The following CDHR3 variants were observed in gnomAD, a reference collection of about 807,000 sequenced individuals.
CDHR3 encodes cadherin-related family member 3.
Under a neutral mutation model 86.6 loss-of-function variants are expected in CDHR3, and 79 were observed. The ratio of observed to expected loss-of-function variants is 0.91; its 90% CI spans 0.76 to 1.10. CDHR3 has a LOEUF of 1.10. Among genes scored for constraint, CDHR3 ranks in the 50% least tolerant of loss-of-function variants. The probability of loss-of-function intolerance (pLI) is 0.00; values close to 1 mark genes in which losing one functional copy is unlikely to be tolerated. For missense variants in CDHR3, 1,081 were observed against 1,077.6 expected (o/e 1.00, Z -0.04); for synonymous variants, 421 against 402.4 (o/e 1.05, Z -0.55).
In CDHR3 at chr7:106,033,127, T is replaced by G. The variant is rs1838622135; in HGVS notation, c.*430T>G. 6.0e-6 allele frequency: 1 copy of G among 166,112 alleles called. No homozygotes were observed. Among genetic ancestry groups the G allele is most frequent in the Non-Finnish European group, 1.3e-5 (1 of 75,848 alleles). The allele number at this position is 166,112 out of a possible 1,614,324, so 10.3% of individuals were successfully genotyped here. A position where few individuals can be genotyped will look rare whatever the true frequency, so the allele number is the denominator to read the frequency against. ...TCGTTTTAACATCACCCAGATTTCT[T>G]CAGTTATAAATATGCCATACACCTT... is the stretch of plus-strand genomic sequence containing the variant. On this transcript the variant is annotated 3_prime_UTR_variant, in exon 19 of 19. Transcript: ENST00000317716.
intron 5 of CDHR3, among the ~76,000 whole-genome samples, chr7:105,995,763 T>C (rs1251350323): frequency 6.6e-6 from 1 of 152,188 alleles, no homozygotes; most frequent in Non-Finnish European, 1.5e-5. Flanking sequence ...ACAAGATTTC[T>C]CAGACCCCAT....
intron 4 of CDHR3, among the ~76,000 whole-genome samples, chr7:105,991,260 G>A (rs545647218): frequency 2.6e-5 from 4 of 152,232 alleles, no homozygotes; most frequent in Admixed American, 6.5e-5. Flanking sequence ...TTGCTGAGTC[G>A]CTGGCAAATG....
intron 1 of CDHR3, among the ~76,000 whole-genome samples, chr7:105,970,895 A>G (rs916851764): frequency 3.3e-5 from 5 of 152,160 alleles, no homozygotes; most frequent in Admixed American, 1.3e-4. Flanking sequence ...TATCCCCAGC[A>G]CTTTGGGAGG....
chr7:106,020,422 C>T lies in CDHR3; in HGVS notation c.1703C>T (p.Pro568Leu). The T allele has an allele frequency of 6.2e-7, 1 of 1,613,932 alleles. No homozygotes were observed. Among genetic ancestry groups the T allele is most frequent in the Admixed American group, 1.7e-5 (1 of 60,014 alleles). The stretch of plus-strand genomic sequence containing the variant: ...AATGATGAAAAGCCAATTTGTACTC[C>T]AAACTCTTATTTCCTGGCCCTCCCA... ...EENDEKPICTPNSYFLALPVD... is the reference protein window; with the variant it reads ...EENDEKPICTLNSYFLALPVD... The change falls in exon 13 of 19, where the codon CCA becomes CTA. Residue 568 changes from proline (P) to leucine (L), a missense_variant. Physicochemically the swap from Pro to Leu is moderately conservative, Grantham distance 98. Transcript: ENST00000317716.
intron 3 of CDHR3, among the ~76,000 whole-genome samples, chr7:105,983,270 C>T (rs947420250): frequency 6.6e-6 from 1 of 152,000 alleles, no homozygotes; most frequent in South Asian, 2.1e-4. Flanking sequence ...TTTTTTTGAA[C>T]GAAGCATGAG....
rs113756972 is a variant in CDHR3, at chr7:105,988,720, C to T, written c.513+4431C>T. Among the ~76,000 whole-genome samples the T allele has an allele frequency of 5.8e-3, 877 of 152,184 alleles. 7 individuals are homozygous for T. The highest frequency in any genetic ancestry group is 9.1e-3 in the Non-Finnish European group (620 of 67,994). ...GGACCAACACTGATCAATATTGGAC[C>T]GGCTCTGTCCAATAAAGCTATACTG... On this transcript the variant is annotated intron_variant, in intron 4 of 18. Transcript: ENST00000317716.
chr7:106,025,013 G>A (rs1027686907), intron 15 of CDHR3, among the ~76,000 whole-genome samples: 1 of 152,196 alleles, frequency 6.6e-6, no homozygotes, highest in African/African-American at 2.4e-5. Context: ...GGGTTTTTGT[G>A]TGACCAAATA....
chr7:105,972,239 G>T (rs1335381922), intron 1 of CDHR3, among the ~76,000 whole-genome samples: 1 of 152,208 alleles, frequency 6.6e-6, no homozygotes, highest in Non-Finnish European at 1.5e-5. Context: ...AGGGGATCAG[G>T]CAGTCAAGGA....
intron 10 of CDHR3, 31 bp downstream of exon 10, chr7:106,015,244 G>A: frequency 6.4e-7 from 1 of 1,553,572 alleles, no homozygotes; most frequent in Non-Finnish European, 8.8e-7. Flanking sequence ...TTTCATGATT[G>A]TCTTTCTTGA....
intron 6 of CDHR3, among the ~76,000 whole-genome samples, chr7:105,997,753 A>G (rs966005599): frequency 6.6e-6 from 1 of 152,118 alleles, no homozygotes; most frequent in Non-Finnish European, 1.5e-5. Flanking sequence ...CTTGTAAACC[A>G]TCTGGTTTGG....
chr7:106,032,288 C>A, intron 18 of CDHR3, 105 bp from the exon 19 acceptor site: 1 of 1,115,160 alleles, frequency 9.0e-7, no homozygotes, highest in Non-Finnish European at 1.3e-6. Flanking sequence ...TTCTAGTGTG[C>A]TTCATCTTCC....
At chr7:106,013,384 T>C (rs1435029797) in intron 9 of CDHR3, among the ~76,000 whole-genome samples, 1 of 151,924 alleles carries the variant, frequency 6.6e-6, no homozygotes, top group Non-Finnish European at 1.5e-5. Context: ...AGCTGTGAGG[T>C]GAGAGAAAGC....
At chr7:105,976,982 CT>C (rs11334460) in intron 2 of CDHR3, among the ~76,000 whole-genome samples, 26,136 of 128,174 alleles carry the variant, frequency 0.2, 2,291 homozygotes, top group African/African-American at 0.32. Flanking sequence ...TACCTGATCT[CT>C]TTTTTTTTTT....
chr7:106,022,917 C>A (rs1021755637), intron 14 of CDHR3, among the ~76,000 whole-genome samples: 6 of 152,170 alleles, frequency 3.9e-5, no homozygotes, highest in Admixed American at 3.3e-4. Context: ...AATCTGTACC[C>A]TACACCCCAC....
intron 1 of CDHR3, among the ~76,000 whole-genome samples, chr7:105,972,257 T>C (rs2727756): frequency 0.27 from 41,187 of 152,028 alleles, 6,134 homozygotes; most frequent in East Asian, 0.67. Context: ...GGAGCTAGCA[T>C]GATGCCAGCT....
At chr7:106,029,576 C>CTCAA (rs1226929804) in intron 17 of CDHR3, among the ~76,000 whole-genome samples, 51 of 151,870 alleles carry the variant, frequency 3.4e-4, no homozygotes, top group African/African-American at 1.2e-3. Flanking sequence ...CTCTCTCTCT[C>CTCAA]TCTTTGACAG....
chr7:105,971,351 A>G (rs1393289420), intron 1 of CDHR3, among the ~76,000 whole-genome samples: 1 of 152,294 alleles, frequency 6.6e-6, no homozygotes, highest in Non-Finnish European at 1.5e-5. Flanking sequence ...GGCATATCCA[A>G]GGACAGTCTG....
At chr7:106,016,439 AT>A (rs1835633413) in intron 11 of CDHR3, among the ~76,000 whole-genome samples, 1 of 152,054 alleles carries the variant, frequency 6.6e-6, no homozygotes, top group Non-Finnish European at 1.5e-5. Context: ...AAATAAAGGC[AT>A]TTTCTCTCTC....
chr7:106,012,333 G>A (rs1228094286), intron 8 of CDHR3, among the ~76,000 whole-genome samples: 1 of 152,134 alleles, frequency 6.6e-6, no homozygotes, highest in Non-Finnish European at 1.5e-5. Flanking sequence ...AGATAGGGTA[G>A]CCTCACTGAT....
Sources: gnomAD v4.1 joint callset for allele counts (sites outside exome capture counted in the v4.1 genomes callset) on GRCh38, gnomAD v4.1.1 for gene constraint, MANE v1.5 for transcripts, NCBI Gene and HGNC (gene_info 2026-07-23, HGNC 2026-07-21) for gene names.